Variants in ZNF148 observed in about 807,000 individuals in gnomAD.
ZNF148 encodes zinc finger protein 148.
A neutral mutation model predicts 67.7 loss-of-function variants in ZNF148; 7 were observed. That is an observed-to-expected ratio of 0.10 (90% CI 0.06 to 0.19). The LOEUF (loss-of-function observed/expected upper bound fraction) is 0.19, where lower values mean the gene tolerates loss of function less well. ZNF148 is among the 10% of genes least tolerant of loss of function. ZNF148 has a pLI of 1.00. For synonymous variants in ZNF148, 333 were observed against 330.7 expected (o/e 1.01, Z -0.08); for missense variants, 583 against 947.1 (o/e 0.62, Z 5.05).
chr3:125,312,953 A>G (rs1940295893), intron 4 of ZNF148, among the ~76,000 whole-genome samples: 1 of 152,196 alleles, frequency 6.6e-6, no homozygotes, highest in African/African-American at 2.4e-5. Context: ...AATTTGTAGG[A>G]AAAACCCTTG....
intron 1 of ZNF148, among the ~76,000 whole-genome samples, chr3:125,373,929 G>A (rs1291872926): frequency 6.6e-6 from 1 of 152,054 alleles, no homozygotes; most frequent in African/African-American, 2.4e-5. Context: ...TGAATAATAC[G>A]GCACCAATTC....
At chr3:125,268,354 A>G (rs1029343641) in intron 7 of ZNF148, among the ~76,000 whole-genome samples, 1 of 151,098 alleles carries the variant, frequency 6.6e-6, no homozygotes, top group Non-Finnish European at 1.5e-5. Context: ...ACTGGTACAA[A>G]AATAGATACA....
intron 7 of ZNF148, among the ~76,000 whole-genome samples, chr3:125,249,009 C>T (rs1301548982): frequency 6.6e-6 from 1 of 152,210 alleles, no homozygotes; most frequent in East Asian, 1.9e-4. Flanking sequence ...TATTCTTGTA[C>T]ACCATACACG....
At chr3:125,346,249 GA>G (rs761747985) in intron 1 of ZNF148, among the ~76,000 whole-genome samples, 85 of 152,244 alleles carry the variant, frequency 5.6e-4, no homozygotes, top group South Asian at 3.1e-3. Context: ...CTTAGATGAA[GA>G]AAAACATTTG....
chr3:125,279,975 T>C (rs756343294), intron 5 of ZNF148, among the ~76,000 whole-genome samples: 1 of 151,976 alleles, frequency 6.6e-6, no homozygotes, highest in Non-Finnish European at 1.5e-5. Flanking sequence ...TTTTGAACCA[T>C]GTAAGTGGTT....
At chr3:125,245,854 GATCATGT>G (rs1936574595) in intron 7 of ZNF148, among the ~76,000 whole-genome samples, 1 of 152,128 alleles carries the variant, frequency 6.6e-6, no homozygotes, top group South Asian at 2.1e-4. Flanking sequence ...AAGTAAATCT[GATCATGT>G]TTAAAGCATA....
chr3:125,314,114 T>C (rs936291383), intron 3 of ZNF148, among the ~76,000 whole-genome samples: 1 of 151,968 alleles, frequency 6.6e-6, no homozygotes, highest in Non-Finnish European at 1.5e-5. Flanking sequence ...ATCCAAGAAA[T>C]TACCATTAAA....
intron 4 of ZNF148, among the ~76,000 whole-genome samples, chr3:125,295,889 C>A (rs1939256553): frequency 6.6e-6 from 1 of 152,078 alleles, no homozygotes; most frequent in Non-Finnish European, 1.5e-5. Context: ...TGAAAAGCAC[C>A]TTGAACACCT....
chr3:125,292,069 T>A (rs1196690685), intron 4 of ZNF148, among the ~76,000 whole-genome samples: 1 of 152,224 alleles, frequency 6.6e-6, no homozygotes, highest in Non-Finnish European at 1.5e-5. Flanking sequence ...AATTTGCATG[T>A]ATATTTCCAA....
intron 5 of ZNF148, 132 bp from the exon 6 acceptor site, chr3:125,279,379 T>G (rs1938253544): frequency 1.3e-6 from 1 of 749,434 alleles, no homozygotes; most frequent in Non-Finnish European, 2.0e-6. Context: ...TTAAATGATC[T>G]TGAAAAGACT....
At chr3:125,258,422 CAAAAAAAAAAAA>C (rs34739205) in intron 7 of ZNF148, among the ~76,000 whole-genome samples, 9 of 56,292 alleles carry the variant, frequency 1.6e-4, no homozygotes, top group African/African-American at 7.1e-4. Context: ...GACTCCATCT[CAAAAAAAAAAAA>C]AAAAAAAAAA....
chr3:125,326,798 C>A (rs1463536069), intron 2 of ZNF148, among the ~76,000 whole-genome samples: 2 of 143,310 alleles, frequency 1.4e-5, no homozygotes, highest in Non-Finnish European at 3.0e-5. Flanking sequence ...ATCAAGATAT[C>A]TTTTTATATA....
At chr3:125,358,900 C>T (rs190735408) in intron 1 of ZNF148, among the ~76,000 whole-genome samples, 40 of 152,276 alleles carry the variant, frequency 2.6e-4, no homozygotes, top group Non-Finnish European at 4.6e-4. Flanking sequence ...GGTCAAACCC[C>T]TGTATTGTGA....
intron 7 of ZNF148, among the ~76,000 whole-genome samples, chr3:125,253,025 C>T (rs1367192725): frequency 6.6e-6 from 1 of 152,118 alleles, no homozygotes; most frequent in Non-Finnish European, 1.5e-5. Flanking sequence ...CTCCCGTTCT[C>T]TCCCCTCTCT....
chr3:125,313,932 T>C (rs1477369370), intron 3 of ZNF148, among the ~76,000 whole-genome samples: 2 of 152,112 alleles, frequency 1.3e-5, no homozygotes, highest in Admixed American at 6.5e-5. Flanking sequence ...GGAAAAGTAT[T>C]TGTAACATCA....
intron 4 of ZNF148, among the ~76,000 whole-genome samples, chr3:125,298,316 A>G (rs895872592): frequency 3.4e-4 from 48 of 143,024 alleles, no homozygotes; most frequent in African/African-American, 1.2e-3. Flanking sequence ...ATAAAAAGAC[A>G]TATACCTAGA....
chr3:125,323,829 C>T (rs895413072), intron 2 of ZNF148, among the ~76,000 whole-genome samples: 3 of 151,756 alleles, frequency 2.0e-5, no homozygotes, highest in Non-Finnish European at 2.9e-5. Flanking sequence ...GCGTGGCAGC[C>T]GGCGCCTGTA....
At chr3:125,355,868 C>G (rs1942323850) in intron 1 of ZNF148, among the ~76,000 whole-genome samples, 2 of 152,076 alleles carry the variant, frequency 1.3e-5, no homozygotes, top group Admixed American at 1.3e-4. Flanking sequence ...ATGGGGAAAT[C>G]CATAGGTATT....
intron 7 of ZNF148, among the ~76,000 whole-genome samples, chr3:125,263,936 A>G (rs911646913): frequency 3.9e-5 from 6 of 152,234 alleles, no homozygotes; most frequent in African/African-American, 1.2e-4. Context: ...AAGAAGGGCT[A>G]GAAACTGAGT....
Sources: gnomAD v4.1 joint callset for allele counts (sites outside exome capture counted in the v4.1 genomes callset) on GRCh38, gnomAD v4.1.1 for gene constraint, MANE v1.5 for transcripts, NCBI Gene and HGNC (gene_info 2026-07-23, HGNC 2026-07-21) for gene names.